The following FAM178B variants were observed in gnomAD, a reference collection of about 807,000 sequenced individuals.
FAM178B encodes family with sequence similarity 178 member B.
Under a neutral mutation model 91.7 loss-of-function variants are expected in FAM178B, and 82 were observed. The ratio of observed to expected loss-of-function variants is 0.89; its 90% CI spans 0.75 to 1.07. FAM178B has a LOEUF of 1.07. Among genes scored for constraint, FAM178B ranks in the 50% least tolerant of loss-of-function variants. The pLI is 0.00. For missense variants in FAM178B, 769 were observed against 846.7 expected, an observed-to-expected ratio of 0.91 and a Z score of 1.14; for synonymous variants, 368 against 359.4, an observed-to-expected ratio of 1.02 and a Z score of -0.27.
chr2:96,876,718 AAG>A (rs1361091758), intron 16 of FAM178B, among the ~76,000 whole-genome samples: 1 of 151,988 alleles, frequency 6.6e-6, no homozygotes, highest in Non-Finnish European at 1.5e-5. Context: ...GGAAGGACAA[AAG>A]AGGAGTCAAG....
At position 96,878,351 on chromosome 2, in the gene FAM178B, C is replaced by T. The variant is rs367547211; in HGVS notation, c.1854+65G>A. ...GCTGGGCGCCATCCCAGCCAACCCC[C>T]GCCGCTTGGGGGAGAAGACACAGCT... On this transcript the variant is annotated intron_variant, in intron 15 of 16. Transcript: ENST00000490605. 58 of 1,494,814 alleles carry T rather than the reference C, an allele frequency of 3.9e-5. 1 individual carries two copies. The highest frequency in any genetic ancestry group is 1.6e-4 in the East Asian group (7 of 43,096). 92.6% of individuals were successfully genotyped at this position (1,494,814 alleles called of 1,614,324 possible).
chr2:96,949,185 G>A (rs1223724777), intron 7 of FAM178B, among the ~76,000 whole-genome samples: 2 of 152,300 alleles, frequency 1.3e-5, no homozygotes, highest in East Asian at 3.9e-4. Flanking sequence ...GCCCCAGGGA[G>A]GAGTACACGG....
intron 13 of FAM178B, chr2:96,898,172 G>T: frequency 1.1e-6 from 1 of 946,756 alleles, no homozygotes; most frequent in Non-Finnish European, 1.3e-6. Context: ...GATTTCTCCA[G>T]CACTTGTGCA....
chr2:96,881,169 C>T (rs897732855), intron 14 of FAM178B, among the ~76,000 whole-genome samples: 1 of 150,420 alleles, frequency 6.6e-6, no homozygotes, highest in Non-Finnish European at 1.5e-5. Context: ...ACTTGGGAGG[C>T]TGAGGCAGGC....
At chr2:96,922,654 C>T (rs997606940) in intron 10 of FAM178B, among the ~76,000 whole-genome samples, 25 of 151,624 alleles carry the variant, frequency 1.6e-4, no homozygotes, top group East Asian at 5.9e-4. Flanking sequence ...CTGGCCTATT[C>T]GTTTACTTTC....
At chr2:96,877,454 G>A (rs1350687676) in intron 16 of FAM178B, among the ~76,000 whole-genome samples, 7 of 150,232 alleles carry the variant, frequency 4.7e-5, no homozygotes, top group African/African-American at 1.7e-4. Flanking sequence ...CCAGGCTGGC[G>A]TGCAATGGCA....
At chr2:96,957,511 G>A (rs2082015994) in intron 6 of FAM178B, among the ~76,000 whole-genome samples, 1 of 152,204 alleles carries the variant, frequency 6.6e-6, no homozygotes, top group Admixed American at 6.5e-5. Flanking sequence ...CCTCACTCCA[G>A]GGAAGCTGGG....
At chr2:96,909,513 G>A (rs2081115638) in intron 12 of FAM178B, among the ~76,000 whole-genome samples, 1 of 152,140 alleles carries the variant, frequency 6.6e-6, no homozygotes, top group Non-Finnish European at 1.5e-5. Context: ...CCATCTTTTT[G>A]TATCTTTTTT....
intron 5 of FAM178B, among the ~76,000 whole-genome samples, chr2:96,961,312 G>GGTGTGTGTGTGTGTGT (rs70964889): frequency 6.8e-6 from 1 of 146,756 alleles, no homozygotes; most frequent in East Asian, 2.0e-4. Flanking sequence ...AGCAGCAGAG[G>GGTGTGTGTGTGTGTGT]GTGTGTGTGT....
At chr2:96,933,354 C>T (rs570631990) in intron 8 of FAM178B, among the ~76,000 whole-genome samples, 1 of 152,188 alleles carries the variant, frequency 6.6e-6, no homozygotes, top group African/African-American at 2.4e-5. Context: ...GGTTACCCTT[C>T]TGGGATGGAA....
Position 96,986,492 on chromosome 2 carries a change from C to G in FAM178B, c.-179G>C, listed in dbSNP as rs985563331. On this transcript the variant is annotated 5_prime_UTR_variant, in exon 1 of 17. Coordinates refer to ENST00000490605, the MANE Select transcript of FAM178B (RefSeq NM_001122646.3). ...GCCGCCAACGTGGAACCTAAAGATCCAGTTCTGGGGATTGAGTTCCGACTC... is the reference window on the plus strand; with the variant it reads ...GCCGCCAACGTGGAACCTAAAGATCGAGTTCTGGGGATTGAGTTCCGACTC... 1 of 722,916 alleles carries G rather than the reference C, an allele frequency of 1.4e-6. No homozygotes were observed. Among genetic ancestry groups the G allele is most frequent in the African/African-American group, 1.8e-5 (1 of 55,116 alleles). The allele number at this position is 722,916 out of a possible 1,614,324, so 44.8% of individuals were successfully genotyped here. A position where few individuals can be genotyped will look rare whatever the true frequency, so the allele number is the denominator to read the frequency against.
At chr2:96,950,141 A>G in intron 7 of FAM178B, 3 of 985,516 alleles carry the variant, frequency 3.0e-6, no homozygotes, top group Non-Finnish European at 3.6e-6. Context: ...ACTCCACGCC[A>G]GTGTCAGGGT....
intron 12 of FAM178B, among the ~76,000 whole-genome samples, chr2:96,904,909 G>A (rs1055880633): frequency 1.0e-3 from 156 of 151,166 alleles, no homozygotes; most frequent in African/African-American, 3.6e-3. Context: ...GATTACAGGC[G>A]CCTGCCATTA....
chr2:96,917,629 G>C (rs2081263586), intron 12 of FAM178B, among the ~76,000 whole-genome samples: 1 of 152,310 alleles, frequency 6.6e-6, no homozygotes, highest in Non-Finnish European at 1.5e-5. Flanking sequence ...GCTGAAGTGG[G>C]AAGATCACTT....
At chr2:96,896,173 C>T (rs1006331088) in intron 13 of FAM178B, among the ~76,000 whole-genome samples, 4 of 152,204 alleles carry the variant, frequency 2.6e-5, no homozygotes, top group Non-Finnish European at 4.4e-5. Flanking sequence ...CTCGCCCAGC[C>T]GGGACCCTCC....
At chr2:96,880,600 ATTT>A (rs573675502) in intron 14 of FAM178B, among the ~76,000 whole-genome samples, 165 of 148,612 alleles carry the variant, frequency 1.1e-3, no homozygotes, top group Non-Finnish European at 1.9e-3. Context: ...GGTTTAAAAC[ATTT>A]TTTTTTTTTG....
At position 96,986,318 on chromosome 2, in the gene FAM178B, C is replaced by A. The variant is rs1045146788; in HGVS notation, c.-5G>T. 4 of 1,533,682 alleles carry A rather than the reference C, an allele frequency of 2.6e-6. No homozygotes were observed. The highest frequency in any genetic ancestry group is 1.4e-5 in the African/African-American group (1 of 72,970). On this transcript the variant is annotated 5_prime_UTR_variant, in exon 1 of 17. Coordinates refer to ENST00000490605, the MANE Select transcript of FAM178B (RefSeq NM_001122646.3). ...ACCTGGAAGCCTTGGCCACATAGGG[C>A]GGGAAGGGCAGGGCTCCGGGGTGAG...
In FAM178B at chr2:96,902,109, A is replaced by ATTTTTTTTT. The variant is rs373394292; in HGVS notation, c.1650+502_1650+510dup. 6.5e-3 allele frequency among the ~76,000 whole-genome samples: 903 copies of ATTTTTTTTT among 138,322 alleles called. 15 individuals are homozygous for ATTTTTTTTT. Among genetic ancestry groups the ATTTTTTTTT allele is most frequent in the East Asian group, 0.041 (190 of 4,646 alleles). The allele number at this position is 138,322 out of a possible 152,430, so 90.7% of individuals were successfully genotyped here. ...GCTACCACACCCAGCTTTTACTACA[A>ATTTTTTTTT]TTTTTTTTTTTTTTGAGATGGAGTC... On this transcript the variant is annotated intron_variant, in intron 13 of 16. Coordinates refer to ENST00000490605, the MANE Select transcript of FAM178B (RefSeq NM_001122646.3).
chr2:96,899,065 G>A (rs1346243033), intron 13 of FAM178B, among the ~76,000 whole-genome samples: 2 of 152,220 alleles, frequency 1.3e-5, no homozygotes, highest in East Asian at 3.9e-4. Flanking sequence ...GGGAGTGCCT[G>A]GCAGCCTGAA....
Sources: allele counts gnomAD v4.1 joint callset (sites outside exome capture counted in the v4.1 genomes callset), GRCh38; gene constraint gnomAD v4.1.1; transcripts MANE v1.5; gene names NCBI Gene and HGNC (gene_info 2026-07-23, HGNC 2026-07-21).